The following SIPA1L1 variants were observed in gnomAD, a reference collection of about 807,000 sequenced individuals.
The protein encoded by SIPA1L1 is signal induced proliferation associated 1 like 1, also known as signal-induced proliferation-associated 1-like protein 1.
Under a neutral mutation model 162.7 loss-of-function variants are expected in SIPA1L1, and 26 were observed. The observed-to-expected ratio is 0.16, with a 90% CI of 0.12 to 0.22. SIPA1L1 has a LOEUF of 0.22. Among genes scored for constraint, SIPA1L1 ranks in the 10% least tolerant of loss-of-function variants. The pLI is 1.00. For missense variants in SIPA1L1, 1,874 were observed against 2,241.0 expected (o/e 0.84, Z 3.31); for synonymous variants, 829 against 837.4 (o/e 0.99, Z 0.17).
chr14:71,582,994 G>A (rs969743293), intron 4 of SIPA1L1, among the ~76,000 whole-genome samples: 2 of 152,188 alleles, frequency 1.3e-5, no homozygotes, highest in African/African-American at 2.4e-5. Flanking sequence ...AAGAAGGGAT[G>A]TAAAGAAAAT....
chr14:71,348,495 T>C (rs2036391418), intron 2 of SIPA1L1, among the ~76,000 whole-genome samples: 1 of 152,218 alleles, frequency 6.6e-6, no homozygotes. Flanking sequence ...CTGTCTTCTT[T>C]TGATGGATGT....
intron 17 of SIPA1L1, among the ~76,000 whole-genome samples, chr14:71,712,148 G>T (rs1158350945): frequency 1.3e-5 from 2 of 152,206 alleles, no homozygotes; most frequent in Non-Finnish European, 2.9e-5. Context: ...GCTTAAAAGA[G>T]CTTGTACCTG....
In SIPA1L1 at chr14:71,377,758, C is replaced by T. The variant is rs941015315; in HGVS notation, c.-465+56577C>T. On this transcript the variant is annotated intron_variant, in intron 2 of 23. Transcript: ENST00000381232. The surrounding 1 kb of genome is among the most constrained non-coding windows in gnomAD (Gnocchi z 4.8). ...GGGAGGCCGAGGCGGGCAGATCACC[C>T]GAGTTCAGGAGCTGGAGACCAGTCC... Among the ~76,000 whole-genome samples the T allele has an allele frequency of 1.7e-4, 26 of 152,204 alleles. No homozygotes were observed. Among genetic ancestry groups the T allele is most frequent in the African/African-American group, 6.0e-4 (25 of 41,450 alleles).
chr14:71,417,429 G>A (rs1242414119), intron 2 of SIPA1L1, among the ~76,000 whole-genome samples: 13 of 110,512 alleles, frequency 1.2e-4, no homozygotes, highest in African/African-American at 4.3e-4. Context: ...CCGAGATTGC[G>A]CCACTGCACT....
chr14:71,597,278 G>T (rs984947450), intron 5 of SIPA1L1, among the ~76,000 whole-genome samples: 1 of 151,918 alleles, frequency 6.6e-6, no homozygotes, highest in African/African-American at 2.4e-5. Context: ...CACTGCACCC[G>T]CCTTATAGTT....
At chr14:71,700,970 A>G (rs1291212844) in intron 14 of SIPA1L1, among the ~76,000 whole-genome samples, 13 of 119,318 alleles carry the variant, frequency 1.1e-4, no homozygotes, top group East Asian at 3.0e-4. Flanking sequence ...ACTCCAGCCT[A>G]GGGGACAGAG....
chr14:71,695,173 TAGTA>T (rs985448070), intron 13 of SIPA1L1, among the ~76,000 whole-genome samples: 93 of 152,180 alleles, frequency 6.1e-4, no homozygotes, highest in African/African-American at 1.9e-3. Context: ...TTGGAAAAAA[TAGTA>T]AGTCATCAGA....
chr14:71,428,068 C>T (rs746572152), intron 2 of SIPA1L1, among the ~76,000 whole-genome samples: 2 of 151,940 alleles, frequency 1.3e-5, no homozygotes, highest in East Asian at 1.9e-4. Context: ...TCTTGACTCA[C>T]TGCAGCCTCC....
chr14:71,459,678 G>C (rs1165779136), intron 2 of SIPA1L1, among the ~76,000 whole-genome samples: 1 of 152,174 alleles, frequency 6.6e-6, no homozygotes, highest in African/African-American at 2.4e-5. Flanking sequence ...GTGTTTTTCT[G>C]CCTGCTTATA....
intron 2 of SIPA1L1, among the ~76,000 whole-genome samples, chr14:71,442,668 C>T (rs1346840636): frequency 6.6e-6 from 1 of 152,134 alleles, no homozygotes; most frequent in Non-Finnish European, 1.5e-5. Flanking sequence ...TGGCTCATGC[C>T]TGTAATCCCC....
At chr14:71,650,947 T>C (rs1170192457) in intron 8 of SIPA1L1, among the ~76,000 whole-genome samples, 1 of 152,218 alleles carries the variant, frequency 6.6e-6, no homozygotes, top group Non-Finnish European at 1.5e-5. Flanking sequence ...TTTTTTGTAT[T>C]CTTTTTACAT....
At chr14:71,684,528 G>A (rs1362441109) in intron 12 of SIPA1L1, among the ~76,000 whole-genome samples, 2 of 152,264 alleles carry the variant, frequency 1.3e-5, no homozygotes, top group Non-Finnish European at 2.9e-5. Flanking sequence ...CTGGTCCAAA[G>A]TGAAATGGTC....
intron 2 of SIPA1L1, among the ~76,000 whole-genome samples, chr14:71,501,988 G>A (rs1325702046): frequency 6.7e-6 from 1 of 148,598 alleles, no homozygotes; most frequent in Non-Finnish European, 1.5e-5. Flanking sequence ...AGAGGCTGCT[G>A]TGAACTGCCA....
At chr14:71,443,764 C>T (rs971889724) in intron 2 of SIPA1L1, among the ~76,000 whole-genome samples, 1 of 152,192 alleles carries the variant, frequency 6.6e-6, no homozygotes, top group African/African-American at 2.4e-5. Flanking sequence ...ATATCTGCAA[C>T]CATAGTTGCA....
chr14:71,582,623 T>C (rs1379226120), intron 4 of SIPA1L1, among the ~76,000 whole-genome samples: 1 of 152,196 alleles, frequency 6.6e-6, no homozygotes, highest in Non-Finnish European at 1.5e-5. Flanking sequence ...CAAATACAGC[T>C]TTATCATGTT....
chr14:71,572,696 T>C (rs2032303212), intron 4 of SIPA1L1, among the ~76,000 whole-genome samples: 1 of 152,188 alleles, frequency 6.6e-6, no homozygotes, highest in South Asian at 2.1e-4. Flanking sequence ...ATCTGTTGTT[T>C]TTGACTGTGT....
intron 2 of SIPA1L1, among the ~76,000 whole-genome samples, chr14:71,450,036 G>A (rs909092665): frequency 1.3e-5 from 2 of 151,918 alleles, no homozygotes; most frequent in African/African-American, 2.4e-5. Flanking sequence ...TTTTAACAAT[G>A]CAAACAGTAA....
chr14:71,467,416 A>T (rs567617641), intron 2 of SIPA1L1, among the ~76,000 whole-genome samples: 1 of 152,340 alleles, frequency 6.6e-6, no homozygotes, highest in East Asian at 1.9e-4. Context: ...TGTAATCATA[A>T]AATAGCTAAT....
At chr14:71,668,606 T>C (rs1375427708) in intron 10 of SIPA1L1, among the ~76,000 whole-genome samples, 1 of 152,186 alleles carries the variant, frequency 6.6e-6, no homozygotes, top group African/African-American at 2.4e-5. Context: ...ACCCAAAGAT[T>C]TTACTGAAAG....
Sources: gnomAD v4.1 joint callset for allele counts (sites outside exome capture counted in the v4.1 genomes callset) on GRCh38, gnomAD v4.1.1 for gene constraint, Gnocchi (gnomAD v3.1) non-coding constraint, MANE v1.5 for transcripts, NCBI Gene and HGNC (gene_info 2026-07-23, HGNC 2026-07-21) for gene names.